DLGAP4: variants seen among roughly 807,000 people sequenced by gnomAD.
DLGAP4 encodes the protein disks large-associated protein 4.
A neutral mutation model predicts 86.9 loss-of-function variants in DLGAP4; 18 were observed. The observed-to-expected ratio is 0.21, with a 90% confidence interval of 0.14 to 0.31. The LOEUF is 0.31. DLGAP4 is among the 10% of genes least tolerant of loss of function. The pLI is 1.00. For missense variants in DLGAP4, 1,085 were observed against 1,362.6 expected, an observed-to-expected ratio of 0.80 and a Z score of 3.21; for synonymous variants, 548 against 574.3, an observed-to-expected ratio of 0.95 and a Z score of 0.65.
chr20:36,526,400 T>G (rs1401243156), intron 12 of DLGAP4, among the ~76,000 whole-genome samples: 2 of 152,158 alleles, frequency 1.3e-5, no homozygotes, highest in Non-Finnish European at 2.9e-5. Context: ...GGCTTCCTTC[T>G]GCAAACCAGA....
chr20:36,344,927 T>C (rs530113799), intron 1 of DLGAP4, among the ~76,000 whole-genome samples: 1 of 152,328 alleles, frequency 6.6e-6, no homozygotes, highest in South Asian at 2.1e-4. Context: ...AGGGCCCTAC[T>C]TCCATGTCTC....
chr20:36,435,781 C>T (rs1600525316), intron 3 of DLGAP4, among the ~76,000 whole-genome samples: 2 of 152,202 alleles, frequency 1.3e-5, no homozygotes, highest in African/African-American at 4.8e-5. Flanking sequence ...ATAAGCATCC[C>T]CTGAGAGTCC....
intron 2 of DLGAP4, among the ~76,000 whole-genome samples, chr20:36,406,314 C>T (rs1191419683): frequency 4.7e-5 from 7 of 148,842 alleles, no homozygotes; most frequent in Non-Finnish European, 1.0e-4. Context: ...AGGAGAATGG[C>T]GTGAACCTGG....
chr20:36,421,145 A>G (rs2032812774), intron 2 of DLGAP4, among the ~76,000 whole-genome samples: 1 of 151,502 alleles, frequency 6.6e-6, no homozygotes, highest in African/African-American at 2.4e-5. Flanking sequence ...ACCCTATTTC[A>G]AAAAATAATA....
At chr20:36,506,122 A>G (rs1243396723) in intron 10 of DLGAP4, among the ~76,000 whole-genome samples, 9 of 152,202 alleles carry the variant, frequency 5.9e-5, no homozygotes, top group Admixed American at 2.0e-4. Flanking sequence ...CAGACAAGCA[A>G]CATTTCAGGT....
At chr20:36,321,506 CG>C (rs2065167956) in intron 1 of DLGAP4, among the ~76,000 whole-genome samples, 1 of 152,264 alleles carries the variant, frequency 6.6e-6, no homozygotes, top group Non-Finnish European at 1.5e-5. Context: ...GCTTCCACCT[CG>C]GATGTGCTCT....
At chr20:36,503,879 C>T (rs550053768) in intron 10 of DLGAP4, among the ~76,000 whole-genome samples, 7 of 152,200 alleles carry the variant, frequency 4.6e-5, no homozygotes, top group South Asian at 4.1e-4. Flanking sequence ...TATTTCATTC[C>T]GTTTTGTTGC....
intron 2 of DLGAP4, among the ~76,000 whole-genome samples, chr20:36,368,601 C>G (rs904046909): frequency 6.6e-6 from 1 of 152,128 alleles, no homozygotes; most frequent in African/African-American, 2.4e-5. Flanking sequence ...TGCAAATAGC[C>G]GTTGCTTTTG....
intron 1 of DLGAP4, among the ~76,000 whole-genome samples, chr20:36,365,600 C>G (rs1248336110): frequency 6.6e-6 from 1 of 152,142 alleles, no homozygotes; most frequent in Non-Finnish European, 1.5e-5. Flanking sequence ...TGTCGAAGCT[C>G]TCCGTGCCTT....
chr20:36,423,522 C>T (rs2032890001), intron 2 of DLGAP4, among the ~76,000 whole-genome samples: 1 of 148,626 alleles, frequency 6.7e-6, no homozygotes, highest in Non-Finnish European at 1.5e-5. Context: ...CATGCAGTTT[C>T]CACCATGCCG....
At chr20:36,461,769 C>CCGCCCGCG in intron 7 of DLGAP4, 1 of 966,354 alleles carries the variant, frequency 1.0e-6, no homozygotes, top group Non-Finnish European at 1.2e-6. Flanking sequence ...GCCCGCCCGC[C>CCGCCCGCG]CGCGCTTCCG....
At chr20:36,507,259 A>G (rs1213029035) in intron 10 of DLGAP4, among the ~76,000 whole-genome samples, 1 of 151,200 alleles carries the variant, frequency 6.6e-6, no homozygotes, top group Non-Finnish European at 1.5e-5. Flanking sequence ...ACAGAGTCGC[A>G]CTCTGTTGCC....
intron 10 of DLGAP4, among the ~76,000 whole-genome samples, chr20:36,512,349 C>A (rs965007278): frequency 2.0e-5 from 3 of 151,988 alleles, no homozygotes; most frequent in African/African-American, 7.2e-5. Context: ...CATGCCTGGC[C>A]CCTTGTCTCT....
At chr20:36,525,725 A>T (rs916054704) in intron 11 of DLGAP4, 126 bp from the exon 12 acceptor site, 1 of 1,271,108 alleles carries the variant, frequency 7.9e-7, no homozygotes. Context: ...ACTTACCCAG[A>T]CACTAGGCCT....
At chr20:36,496,593 A>G (rs749467349) in intron 7 of DLGAP4, 112 bp from the exon 8 acceptor site, 4 of 1,474,656 alleles carry the variant, frequency 2.7e-6, no homozygotes, top group African/African-American at 1.4e-5. Context: ...CGGAATGGCT[A>G]AGCCCAGAGC....
At chr20:36,313,400 C>T (rs999209250) in intron 1 of DLGAP4, among the ~76,000 whole-genome samples, 1 of 152,196 alleles carries the variant, frequency 6.6e-6, no homozygotes. Flanking sequence ...TTCAGCTGAA[C>T]AGGGCCCAAG....
chr20:36,414,106 C>G lies in DLGAP4; in HGVS notation c.-72-17540C>G, dbSNP rs1168934487. Among the ~76,000 whole-genome samples the G allele has an allele frequency of 2.6e-5, 4 of 152,314 alleles. No individual in the cohort carries two copies. In the East Asian group the frequency reaches 7.7e-4, roughly 29 times the overall value. ...CCCCACACCGTTGGGATAATCATCT[C>G]CAGTTTCAAATGAAGAAAACTGAGA... On this transcript the variant is annotated intron_variant, in intron 2 of 12. Coordinates refer to ENST00000339266, the MANE Select transcript of DLGAP4 (RefSeq NM_001365621.2).
chr20:36,469,821 G>A (rs1055494510), intron 7 of DLGAP4, among the ~76,000 whole-genome samples: 1 of 151,888 alleles, frequency 6.6e-6, no homozygotes, highest in Non-Finnish European at 1.5e-5. Flanking sequence ...GGGTGAGGAA[G>A]GGCATCTCAG....
intron 2 of DLGAP4, among the ~76,000 whole-genome samples, chr20:36,397,316 A>G (rs2032028540): frequency 6.6e-6 from 1 of 152,220 alleles, no homozygotes; most frequent in African/African-American, 2.4e-5. Flanking sequence ...ACACTGACAC[A>G]GAAACGAAAT....
Sources: allele counts gnomAD v4.1 joint callset (sites outside exome capture counted in the v4.1 genomes callset), GRCh38; gene constraint gnomAD v4.1.1; transcripts MANE v1.5; gene names NCBI Gene and HGNC (gene_info 2026-07-23, HGNC 2026-07-21).